Variants in STK33 observed in about 807,000 individuals in gnomAD.
STK33 encodes serine/threonine-protein kinase 33.
Under a neutral mutation model 58.0 loss-of-function variants are expected in STK33, and 52 were observed. The observed-to-expected ratio is 0.90, with a 90% confidence interval of 0.72 to 1.13. STK33 has a LOEUF of 1.13. Ranked by LOEUF, STK33 falls within the 50% of genes most tolerant of loss-of-function variation. The pLI is 0.00. For synonymous variants in STK33, 215 were observed against 200.1 expected (o/e 1.07, Z -0.63); for missense variants, 630 against 604.2 (o/e 1.04, Z -0.45).
intron 1 of STK33, among the ~76,000 whole-genome samples, chr11:8,515,990 C>G (rs1952746730): frequency 6.6e-6 from 1 of 152,142 alleles, no homozygotes; most frequent in East Asian, 1.9e-4. Flanking sequence ...CCACACTGCC[C>G]AAAGCAATCT....
intron 14 of STK33, among the ~76,000 whole-genome samples, chr11:8,427,554 T>G (rs1942922931): frequency 6.6e-6 from 1 of 152,124 alleles, no homozygotes; most frequent in African/African-American, 2.4e-5. Context: ...TCCCCCTTTT[T>G]ATTTTTGTAA....
chr11:8,494,885 T>C (rs559056779), intron 1 of STK33, among the ~76,000 whole-genome samples: 96 of 152,326 alleles, frequency 6.3e-4, no homozygotes, highest in Non-Finnish European at 1.1e-3. Flanking sequence ...GAAAACTGGT[T>C]AGCCATATGT....
chr11:8,553,134 G>C (rs1956420272), intron 1 of STK33, among the ~76,000 whole-genome samples: 2 of 123,142 alleles, frequency 1.6e-5, no homozygotes, highest in Admixed American at 1.8e-4. Flanking sequence ...CTCTAGCGTG[G>C]GTAACAGAGG....
chr11:8,488,988 G>C (rs1230261649), intron 1 of STK33, among the ~76,000 whole-genome samples: 1 of 152,128 alleles, frequency 6.6e-6, no homozygotes, highest in African/African-American at 2.4e-5. Context: ...GCTGGGCATG[G>C]TGGCTCACGC....
At chr11:8,592,910 T>C (rs1023846726) in intron 1 of STK33, among the ~76,000 whole-genome samples, 1 of 152,174 alleles carries the variant, frequency 6.6e-6, no homozygotes, top group South Asian at 2.1e-4. Flanking sequence ...AAAGGATAAA[T>C]ACCTTTAGAT....
chr11:8,347,307 G>A, the STK33 span, among the ~76,000 whole-genome samples: 1 of 152,148 alleles, frequency 6.6e-6, no homozygotes, highest in East Asian at 1.9e-4. Context: ...ACCAGCTCCC[G>A]GTGCCCACTT....
At chr11:8,464,499 T>C (rs566527381) in intron 7 of STK33, among the ~76,000 whole-genome samples, 1 of 152,284 alleles carries the variant, frequency 6.6e-6, no homozygotes, top group South Asian at 2.1e-4. Context: ...TTCCTTTCAT[T>C]TGTTTTTTCC....
chr11:8,369,126 T>C, the STK33 span, among the ~76,000 whole-genome samples: 1 of 152,214 alleles, frequency 6.6e-6, no homozygotes, highest in African/African-American at 2.4e-5. Context: ...TAAAGTGTAT[T>C]TATAATATGA....
chr11:8,432,398 C>A (rs188945236), intron 14 of STK33, among the ~76,000 whole-genome samples: 6 of 152,056 alleles, frequency 3.9e-5, no homozygotes, highest in Admixed American at 6.6e-5. Context: ...AGAAAAGAAC[C>A]GGCATACTCC....
the STK33 span, among the ~76,000 whole-genome samples, chr11:8,384,730 C>A: frequency 7.9e-5 from 12 of 152,318 alleles, no homozygotes; most frequent in African/African-American, 2.4e-4. Context: ...CCTGTAAACA[C>A]GTGACTTGCT....
chr11:8,551,157 T>C lies in STK33; in HGVS notation c.-466+42926A>G, dbSNP rs1591753054. ...TAATTTTTTTTTTTTGGAGACAGAG[T>C]CTTGTTCTATTACCCAGGCTGATGT... is the stretch of plus-strand genomic sequence containing the variant. On this transcript the variant is annotated intron_variant, in intron 1 of 15. Coordinates refer to ENST00000687296, the MANE Select transcript of STK33 (RefSeq NM_001352389.2). Among the ~76,000 whole-genome samples the C allele has an allele frequency of 2.7e-5, 4 of 150,670 alleles. No individual in the cohort carries two copies. In the South Asian group the frequency reaches 8.4e-4, roughly 32 times the overall value.
chr11:8,337,202 C>G, the STK33 span, among the ~76,000 whole-genome samples: 1 of 152,212 alleles, frequency 6.6e-6, no homozygotes, highest in Middle Eastern at 3.2e-3. Context: ...AGGAGATGTT[C>G]AAAGGCAAAT....
At chr11:8,447,894 T>C (rs181458379) in intron 11 of STK33, among the ~76,000 whole-genome samples, 1 of 152,300 alleles carries the variant, frequency 6.6e-6, no homozygotes, top group Admixed American at 6.5e-5. Context: ...AACCCCACTG[T>C]CTCAGCCTAA....
At chr11:8,350,658 G>A in the STK33 span, among the ~76,000 whole-genome samples, 1 of 152,314 alleles carries the variant, frequency 6.6e-6, no homozygotes, top group Admixed American at 6.5e-5. Context: ...TGGGGGTCAG[G>A]AAGGGGAAAG....
chr11:8,360,297 G>A, the STK33 span, among the ~76,000 whole-genome samples: 165 of 152,300 alleles, frequency 1.1e-3, no homozygotes, highest in Non-Finnish European at 1.7e-3. Context: ...GTTGGGTTCA[G>A]GCCGGTTCCT....
chr11:8,551,517 T>C (rs1048366359), intron 1 of STK33, among the ~76,000 whole-genome samples: 2 of 152,186 alleles, frequency 1.3e-5, no homozygotes, highest in African/African-American at 4.8e-5. Context: ...TTTGGTGGTA[T>C]TAAATCTCCC....
intron 1 of STK33, among the ~76,000 whole-genome samples, chr11:8,512,403 T>C (rs778520600): frequency 3.5e-4 from 53 of 151,958 alleles, no homozygotes; most frequent in Non-Finnish European, 7.1e-4. Context: ...ATAAACGAAG[T>C]ATACAAAGTG....
chr11:8,451,313 C>T (rs943315099), intron 11 of STK33, among the ~76,000 whole-genome samples: 2 of 152,078 alleles, frequency 1.3e-5, no homozygotes, highest in African/African-American at 4.8e-5. Context: ...TCATAATAGC[C>T]ATAAACTGGT....
intron 1 of STK33, among the ~76,000 whole-genome samples, chr11:8,584,538 G>A (rs2031117091): frequency 6.6e-6 from 1 of 152,222 alleles, no homozygotes; most frequent in Admixed American, 6.5e-5. Flanking sequence ...CAGCCTTGGA[G>A]CAAGCCAATC....
Sources: gnomAD v4.1 joint callset for allele counts (sites outside exome capture counted in the v4.1 genomes callset) on GRCh38, gnomAD v4.1.1 for gene constraint, MANE v1.5 for transcripts, NCBI Gene and HGNC (gene_info 2026-07-23, HGNC 2026-07-21) for gene names.